The following ETFA variants were observed in gnomAD, a reference collection of about 807,000 sequenced individuals.
The protein encoded by ETFA is electron transfer flavoprotein subunit alpha, mitochondrial.
Under a neutral mutation model 46.2 loss-of-function variants are expected in ETFA, and 22 were observed. The observed-to-expected ratio is 0.48, with a 90% CI of 0.34 to 0.68. ETFA has a LOEUF of 0.68. Ranked by LOEUF, ETFA falls within the 30% of genes least tolerant of loss-of-function variation. The pLI, the probability that ETFA is intolerant of heterozygous loss-of-function variation, is 0.01. For missense variants in ETFA, 345 were observed against 401.1 expected, an observed-to-expected ratio of 0.86 and a Z score of 1.19; for synonymous variants, 131 against 139.9, an observed-to-expected ratio of 0.94 and a Z score of 0.45.
chr15:76,261,499 A>C lies in ETFA; in HGVS notation c.816+12913T>G, dbSNP rs1000123072. 7 of 758,056 alleles carry C rather than the reference A, an allele frequency of 9.2e-6. No individual in the cohort carries two copies. In the East Asian group the frequency reaches 1.5e-4, roughly 17 times the overall value. The allele number at this position is 758,056 out of a possible 1,614,324, so 47.0% of individuals were successfully genotyped here. A position where few individuals can be genotyped will look rare whatever the true frequency, so the allele number is the denominator to read the frequency against. ...GATGTCAGGCTCCTCCATCCCCTCC[A>C]TGCTGCAGCTGAGCTTTACCAGCTG... On this transcript the variant is annotated intron_variant, in intron 9 of 11. Transcript: ENST00000557943.
At chr15:76,284,010 C>T (rs1182126315) in intron 7 of ETFA, among the ~76,000 whole-genome samples, 185 bp from the exon 8 acceptor site, 1 of 152,196 alleles carries the variant, frequency 6.6e-6, no homozygotes, top group Non-Finnish European at 1.5e-5. Context: ...TTCAACACTA[C>T]TATGATTACC....
chr15:76,310,364 G>A (rs2039982899), intron 1 of ETFA, among the ~76,000 whole-genome samples: 1 of 20,010 alleles, frequency 5.0e-5, no homozygotes, highest in African/African-American at 1.7e-4. Flanking sequence ...AAATATCCAT[G>A]CCCAGAAAAA....
rs137882245 is a variant in ETFA at position 76,237,946 on chromosome 15, C to T, written c.817-6548G>A. On this transcript the variant is annotated intron_variant, in intron 9 of 11. Transcript: ENST00000557943. ...CCATACAGTTAGAATTTCTGCCCAG[C>T]TTCCTAGCCAGTGCTTGCCTAGGAA... Among the ~76,000 whole-genome samples the T allele has an allele frequency of 4.8e-3, 725 of 152,236 alleles. 4 individuals are homozygous for T. Among genetic ancestry groups the T allele is most frequent in the African/African-American group, 0.017 (707 of 41,538 alleles).
chr15:76,280,395 T>C (rs182729799), intron 8 of ETFA, among the ~76,000 whole-genome samples: 1 of 152,290 alleles, frequency 6.6e-6, no homozygotes, highest in Non-Finnish European at 1.5e-5. Flanking sequence ...ATCCAATCTG[T>C]CGGGAAATCC....
intron 7 of ETFA, chr15:76,285,037 T>G: frequency 3.9e-6 from 1 of 256,142 alleles, no homozygotes. Flanking sequence ...AAGCTTATTT[T>G]GTTGGATGTT....
intron 9 of ETFA, among the ~76,000 whole-genome samples, chr15:76,249,950 T>C (rs1221033046): frequency 2.0e-5 from 3 of 152,202 alleles, no homozygotes; most frequent in African/African-American, 7.2e-5. Context: ...TGTCAAAATC[T>C]GGTAAAGCTA....
At chr15:76,252,355 A>G (rs1487526515) in intron 9 of ETFA, among the ~76,000 whole-genome samples, 2 of 152,232 alleles carry the variant, frequency 1.3e-5, no homozygotes, top group African/African-American at 4.8e-5. Flanking sequence ...TCACACAGCC[A>G]GAATTTTTAT....
intron 8 of ETFA, 40 bp downstream of exon 8, chr15:76,283,717 C>T: frequency 1.6e-6 from 2 of 1,259,356 alleles, no homozygotes; most frequent in Non-Finnish European, 2.3e-6. Flanking sequence ...ATATTTCCAA[C>T]AAAAAGGGAA....
In ETFA at chr15:76,285,722, T is replaced by C. The variant is rs936157234; in HGVS notation, c.579A>G (p.Pro193=). 6.2e-7 allele frequency: 1 copy of C among 1,604,940 alleles called. No homozygotes were observed. The highest frequency in any genetic ancestry group is 8.5e-7 in the Non-Finnish European group (1 of 1,171,690). ...GGTCAAGCCACTCTGATATTTCCAC[T>C]GGTGAAGTACTTGATGCTGCATACA... ...ASSEKASSTS[P]VEISEWLDQK... Residue 193 remains proline, a synonymous_variant, in exon 7 of 12, where the codon CCA becomes CCG. Transcript: ENST00000557943.
chr15:76,303,532 C>A (rs1359816887), intron 1 of ETFA, among the ~76,000 whole-genome samples: 1 of 151,976 alleles, frequency 6.6e-6, no homozygotes. Flanking sequence ...AACAGACAAC[C>A]TACAGAATGG....
intron 9 of ETFA, among the ~76,000 whole-genome samples, chr15:76,265,367 T>C (rs1310410867): frequency 2.6e-5 from 4 of 152,274 alleles, no homozygotes; most frequent in Middle Eastern, 3.4e-3. Context: ...TACATAAAAC[T>C]AGGAAGCAGC....
Position 76,272,677 on chromosome 15 carries a change from C to T in ETFA, c.816+1735G>A, listed in dbSNP as rs149415399. ...TGGTGGCACATACCTGCAGTCCCAG[C>T]CACTCAAGAGGCTGAAGTGGCAGGA... On this transcript the variant is annotated intron_variant, in intron 9 of 11. Transcript: ENST00000557943. Among the ~76,000 whole-genome samples the T allele has an allele frequency of 5.2e-3, 790 of 152,092 alleles. 8 individuals are homozygous for T. The highest frequency in any genetic ancestry group is 0.018 in the African/African-American group (730 of 41,446).
intron 11 of ETFA, among the ~76,000 whole-genome samples, chr15:76,220,904 G>C (rs2038950656): frequency 2.0e-5 from 3 of 152,180 alleles, no homozygotes; most frequent in Non-Finnish European, 4.4e-5. Flanking sequence ...CAGCCACTTT[G>C]AAAACAACCT....
intron 9 of ETFA, among the ~76,000 whole-genome samples, chr15:76,243,031 T>C (rs372332279): frequency 1.2e-4 from 19 of 152,356 alleles, no homozygotes; most frequent in African/African-American, 4.6e-4. Context: ...GTGTGGTGCT[T>C]CACACTTATA....
At chr15:76,236,239 A>T (rs2039120779) in intron 9 of ETFA, among the ~76,000 whole-genome samples, 1 of 152,224 alleles carries the variant, frequency 6.6e-6, no homozygotes, top group South Asian at 2.1e-4. Flanking sequence ...CATCACTGTT[A>T]AGCCCCAAAC....
At chr15:76,259,341 G>C in intron 9 of ETFA, 2 of 1,593,662 alleles carry the variant, frequency 1.3e-6, no homozygotes, top group East Asian at 2.2e-5. Flanking sequence ...GCGCTGCTTG[G>C]GGTCAGCACT....
chr15:76,236,852 T>C (rs1289570629), intron 9 of ETFA, among the ~76,000 whole-genome samples: 2 of 152,230 alleles, frequency 1.3e-5, no homozygotes, highest in African/African-American at 4.8e-5. Context: ...TGTTCTCCAG[T>C]AACTTATATT....
chr15:76,245,371 T>C (rs941060420), intron 9 of ETFA: 6 of 152,256 alleles, frequency 3.9e-5, no homozygotes, highest in Admixed American at 6.5e-5. Flanking sequence ...CACAGTTCTC[T>C]TGGAGTTAAA....
chr15:76,253,888 G>T (rs1324751909), intron 9 of ETFA, among the ~76,000 whole-genome samples: 1 of 152,166 alleles, frequency 6.6e-6, no homozygotes, highest in African/African-American at 2.4e-5. Flanking sequence ...TGGGCCTCAG[G>T]ACTCTTGGCT....
Sources: allele counts gnomAD v4.1 joint callset (sites outside exome capture counted in the v4.1 genomes callset), GRCh38; gene constraint gnomAD v4.1.1; transcripts MANE v1.5; gene names NCBI Gene and HGNC (gene_info 2026-07-23, HGNC 2026-07-21).